MYO16: variants seen among roughly 807,000 people sequenced by gnomAD.
MYO16 encodes the protein unconventional myosin-XVI.
Under a neutral mutation model 205.3 loss-of-function variants are expected in MYO16, and 94 were observed. The ratio of observed to expected loss-of-function variants is 0.46; its 90% CI spans 0.39 to 0.54. The LOEUF (loss-of-function observed/expected upper bound fraction) is 0.54, where lower values mean the gene tolerates loss of function less well. MYO16 is among the 20% of genes least tolerant of loss of function. The pLI, the probability that MYO16 is intolerant of heterozygous loss-of-function variation, is 0.00. For synonymous variants in MYO16, 988 were observed against 954.0 expected, an observed-to-expected ratio of 1.04 and a Z score of -0.66; for missense variants, 2,315 against 2,387.5, an observed-to-expected ratio of 0.97 and a Z score of 0.63.
At chr13:108,692,954 C>T (rs766865647) in intron 2 of MYO16, among the ~76,000 whole-genome samples, 3 of 152,030 alleles carry the variant, frequency 2.0e-5, no homozygotes, top group Admixed American at 6.6e-5. Context: ...GCCACTCTCA[C>T]GACTACATGT....
At chr13:108,583,938 T>C in the MYO16 span, among the ~76,000 whole-genome samples, 1 of 152,166 alleles carries the variant, frequency 6.6e-6, no homozygotes, top group African/African-American at 2.4e-5. Flanking sequence ...CTTTGAGATT[T>C]ACCCGTTAAA....
chr13:108,920,294 TTCTTTC>T (rs201808838), intron 16 of MYO16, among the ~76,000 whole-genome samples: 7,488 of 151,642 alleles, frequency 0.049, 621 homozygotes, highest in African/African-American at 0.17. Flanking sequence ...CTCTTTCTCT[TTCTTTC>T]TCTTTCTCTT....
chr13:108,634,093 C>G (rs916550380), intron 1 of MYO16, among the ~76,000 whole-genome samples: 1 of 152,202 alleles, frequency 6.6e-6, no homozygotes, highest in Non-Finnish European at 1.5e-5. Flanking sequence ...AGAGCAAAAG[C>G]AGACTGATTT....
intron 27 of MYO16, among the ~76,000 whole-genome samples, chr13:109,063,163 G>T (rs1401289943): frequency 6.6e-6 from 1 of 152,164 alleles, no homozygotes; most frequent in East Asian, 1.9e-4. Flanking sequence ...TTGTAAATTT[G>T]CATCATGGTA....
intron 11 of MYO16, among the ~76,000 whole-genome samples, chr13:108,856,245 G>A (rs1470402722): frequency 2.0e-5 from 3 of 152,036 alleles, no homozygotes; most frequent in East Asian, 3.9e-4. Context: ...TCTACACAGA[G>A]CACAGAGTAA....
At chr13:108,726,481 C>A (rs1389707710) in intron 3 of MYO16, among the ~76,000 whole-genome samples, 2 of 151,504 alleles carry the variant, frequency 1.3e-5, no homozygotes, top group Non-Finnish European at 2.9e-5. Flanking sequence ...ATTACTTGAA[C>A]CTGGGAAGTG....
intron 20 of MYO16, among the ~76,000 whole-genome samples, chr13:108,972,548 C>G (rs1189077327): frequency 6.7e-6 from 1 of 149,534 alleles, no homozygotes; most frequent in African/African-American, 2.5e-5. Flanking sequence ...TTTTGTTTCA[C>G]AGAGTAGCAG....
At chr13:108,658,278 ACTT>A (rs1356749700) in intron 1 of MYO16, among the ~76,000 whole-genome samples, 1 of 152,086 alleles carries the variant, frequency 6.6e-6, no homozygotes, top group African/African-American at 2.4e-5. Flanking sequence ...TTCATTTTCC[ACTT>A]CTTCTTGAGT....
intron 23 of MYO16, among the ~76,000 whole-genome samples, chr13:109,030,705 G>A (rs2139554972): frequency 6.6e-6 from 1 of 152,116 alleles, no homozygotes; most frequent in East Asian, 1.9e-4. Context: ...TCTGCTGTGG[G>A]CTGCATATTG....
intron 6 of MYO16, among the ~76,000 whole-genome samples, chr13:108,804,150 C>A (rs1365665945): frequency 6.6e-6 from 1 of 152,040 alleles, no homozygotes; most frequent in African/African-American, 2.4e-5. Flanking sequence ...TCTCCATCTG[C>A]AAAATAAGGG....
chr13:108,697,462 T>C (rs1217126687), intron 2 of MYO16, among the ~76,000 whole-genome samples: 1 of 152,226 alleles, frequency 6.6e-6, no homozygotes, highest in Non-Finnish European at 1.5e-5. Flanking sequence ...GGAATTCCAG[T>C]TGCATCTTGA....
the MYO16 span, among the ~76,000 whole-genome samples, chr13:108,561,144 A>G: frequency 6.6e-6 from 1 of 152,220 alleles, no homozygotes; most frequent in Non-Finnish European, 1.5e-5. Context: ...TCAATTACTG[A>G]AATGCCTCTC....
At chr13:109,013,573 C>A (rs9521126) in intron 22 of MYO16, among the ~76,000 whole-genome samples, 1 of 152,098 alleles carries the variant, frequency 6.6e-6, no homozygotes, top group African/African-American at 2.4e-5. Flanking sequence ...CTAGTTTACA[C>A]TCCCACCAAC....
At chr13:109,101,175 G>A in intron 28 of MYO16, 1 of 292,354 alleles carries the variant, frequency 3.4e-6, no homozygotes, top group Non-Finnish European at 6.7e-6. Context: ...TACCTTGTCA[G>A]TAAAGCATTT....
At chr13:108,984,146 C>G (rs1225989937) in intron 20 of MYO16, among the ~76,000 whole-genome samples, 2 of 152,142 alleles carry the variant, frequency 1.3e-5, no homozygotes, top group African/African-American at 4.8e-5. Context: ...TAATGAATGA[C>G]CTCTGAATTG....
chr13:109,049,567 T>C (rs576666497), intron 24 of MYO16, among the ~76,000 whole-genome samples: 8 of 132,026 alleles, frequency 6.1e-5, no homozygotes, highest in African/African-American at 1.6e-4. Flanking sequence ...TTTTAAATCT[T>C]TTATTTTTCT....
At chr13:108,801,129 G>A (rs1031464337) in intron 6 of MYO16, among the ~76,000 whole-genome samples, 7 of 152,046 alleles carry the variant, frequency 4.6e-5, no homozygotes, top group Non-Finnish European at 4.4e-5. Flanking sequence ...AAAATATGCC[G>A]AGTTCATAGA....
At chr13:109,079,575 G>A (rs779712666) in intron 27 of MYO16, among the ~76,000 whole-genome samples, 1 of 152,034 alleles carries the variant, frequency 6.6e-6, no homozygotes, top group South Asian at 2.1e-4. Context: ...GAGCACACAT[G>A]GACATAAATA....
intron 9 of MYO16, among the ~76,000 whole-genome samples, chr13:108,827,248 T>G (rs533074994): frequency 7.4e-4 from 112 of 152,212 alleles, no homozygotes; most frequent in South Asian, 6.2e-3. Context: ...GGTGATTTGT[T>G]TTTTTTTCCC....
Sources: allele counts gnomAD v4.1 joint callset (sites outside exome capture counted in the v4.1 genomes callset), GRCh38; gene constraint gnomAD v4.1.1; transcripts MANE v1.5; gene names NCBI Gene and HGNC (gene_info 2026-07-23, HGNC 2026-07-21).